TEC: variants seen among roughly 807,000 people sequenced by gnomAD.
TEC encodes tec protein tyrosine kinase, also known as tyrosine-protein kinase Tec.
A neutral mutation model predicts 93.0 loss-of-function variants in TEC; 72 were observed. The observed-to-expected ratio is 0.77, with a 90% confidence interval of 0.64 to 0.94. The LOEUF (loss-of-function observed/expected upper bound fraction) is 0.94, where lower values mean the gene tolerates loss of function less well. Among genes scored for constraint, TEC ranks in the 40% least tolerant of loss-of-function variants. The pLI, the probability that TEC is intolerant of heterozygous loss-of-function variation, is 0.00. For missense variants in TEC, 630 were observed against 757.9 expected (o/e 0.83, Z 1.98); for synonymous variants, 249 against 247.7 (o/e 1.01, Z -0.05).
chr4:48,264,279 A>C (rs1004043929), intron 1 of TEC, among the ~76,000 whole-genome samples: 2 of 152,186 alleles, frequency 1.3e-5, no homozygotes, highest in Non-Finnish European at 2.9e-5. Context: ...TCTTTTTAAA[A>C]AGCTGGATCC....
At chr4:48,143,950 G>A (rs1369547458) in intron 14 of TEC, among the ~76,000 whole-genome samples, 1 of 152,176 alleles carries the variant, frequency 6.6e-6, no homozygotes, top group Non-Finnish European at 1.5e-5. Context: ...CTAAGGCCAG[G>A]TGCAGTGGCT....
At chr4:48,137,689 G>A (rs529594196) in intron 17 of TEC, among the ~76,000 whole-genome samples, 190 bp from the exon 18 acceptor site, 2 of 152,148 alleles carry the variant, frequency 1.3e-5, no homozygotes, top group Non-Finnish European at 2.9e-5. Context: ...CTAGGCTAAC[G>A]TTTCTAAGAC....
intron 1 of TEC, among the ~76,000 whole-genome samples, chr4:48,269,114 G>A (rs187666981): frequency 1.3e-5 from 2 of 152,236 alleles, no homozygotes; most frequent in Admixed American, 6.5e-5. Context: ...CGGGGTATTG[G>A]GGGGGTGGGG....
At chr4:48,251,646 T>C (rs923470567) in intron 1 of TEC, among the ~76,000 whole-genome samples, 11 of 152,140 alleles carry the variant, frequency 7.2e-5, no homozygotes, top group Admixed American at 7.2e-4. Context: ...AATACTCAGA[T>C]TGAATTGGAC....
At chr4:48,144,629 A>T (rs994422322) in intron 14 of TEC, among the ~76,000 whole-genome samples, 3 of 152,234 alleles carry the variant, frequency 2.0e-5, no homozygotes, top group African/African-American at 7.2e-5. Context: ...GAGATTTTTT[A>T]AAAATCCAAA....
intron 9 of TEC, among the ~76,000 whole-genome samples, chr4:48,155,112 CAT>C (rs770692290): frequency 2.6e-5 from 4 of 152,124 alleles, no homozygotes; most frequent in Non-Finnish European, 5.9e-5. Flanking sequence ...AGGACTAAAA[CAT>C]AAAATCATAA....
chr4:48,234,251 T>G (rs1723719545), intron 1 of TEC, among the ~76,000 whole-genome samples: 1 of 152,236 alleles, frequency 6.6e-6, no homozygotes, highest in African/African-American at 2.4e-5. Context: ...GCGCAAGGCT[T>G]TAACAATTTT....
Position 48,167,967 on chromosome 4 carries a change from A to T in TEC, c.496-14T>A, listed in dbSNP as rs28409951. ...GGGAGGCCTTCGCTAGACAAGGAAG[A>T]TAACATTTGAAAGTTTAGTCTTCTA... is the stretch of plus-strand genomic sequence containing the variant. On this transcript the variant is annotated splice_polypyrimidine_tract_variant and intron_variant, in intron 6 of 17. Coordinates refer to ENST00000381501, the MANE Select transcript of TEC (RefSeq NM_003215.3). 398 of 1,612,910 alleles carry T rather than the reference A, an allele frequency of 2.5e-4. 1 individual carries two copies. The African/African-American group carries it at 4.7e-3, about 19-fold the overall frequency.
intron 2 of TEC, among the ~76,000 whole-genome samples, chr4:48,177,294 C>T (rs1033007246): frequency 6.6e-5 from 10 of 152,266 alleles, no homozygotes; most frequent in South Asian, 2.1e-4. Context: ...GAATTCCACA[C>T]AAAAGTTGCA....
intron 1 of TEC, among the ~76,000 whole-genome samples, chr4:48,243,041 T>C (rs770948468): frequency 8.5e-5 from 13 of 152,198 alleles, no homozygotes; most frequent in Non-Finnish European, 4.4e-5. Flanking sequence ...ATTTTACTAC[T>C]GTGTTAAACA....
At chr4:48,146,262 A>G in intron 12 of TEC, 63 bp downstream of exon 12, 1 of 1,501,088 alleles carries the variant, frequency 6.7e-7, no homozygotes, top group Non-Finnish European at 9.2e-7. Context: ...ATCCAAATTT[A>G]TCTTATGACA....
In TEC at chr4:48,193,535, C is replaced by G. The variant is rs139654193; in HGVS notation, c.139-17349G>C. Among the ~76,000 whole-genome samples, 31 of 152,208 alleles carry G rather than the reference C, an allele frequency of 2.0e-4. 1 individual carries two copies. The South Asian group carries it at 6.0e-3, about 30-fold the overall frequency. ...TCCCATTACAATCTTCAGAGATAAA[C>G]GTAACTACTGTCAAGGGAGAGATGG... On this transcript the variant is annotated intron_variant, in intron 2 of 17. Coordinates refer to ENST00000381501, the MANE Select transcript of TEC (RefSeq NM_003215.3).
chr4:48,196,674 A>G (rs562232456), intron 2 of TEC, among the ~76,000 whole-genome samples: 1 of 151,938 alleles, frequency 6.6e-6, no homozygotes, highest in African/African-American at 2.4e-5. Context: ...GAATTTGACT[A>G]TGTCTTATAA....
At chr4:48,203,941 T>C (rs1351178488) in intron 2 of TEC, among the ~76,000 whole-genome samples, 1 of 152,182 alleles carries the variant, frequency 6.6e-6, no homozygotes, top group East Asian at 1.9e-4. Context: ...GAGCCATTAT[T>C]AGAAACCACC....
At chr4:48,246,280 C>T (rs1190352419) in intron 1 of TEC, among the ~76,000 whole-genome samples, 1 of 151,882 alleles carries the variant, frequency 6.6e-6, no homozygotes, top group Non-Finnish European at 1.5e-5. Flanking sequence ...TTTAAAAAGA[C>T]TTAAATAAAT....
rs760332965 is a variant in TEC, at chr4:48,171,391, A to C, written c.302T>G (p.Leu101Arg). ...ACCTTCTTTTAACTTCTTCACCCAC[A>C]GGTCCCTGCTTTGTGGACTAGGTGC... is the stretch of plus-strand genomic sequence containing the variant. ...IFAPSPQSRDLWVKKLKEEIK... is the reference protein window; with the variant it reads ...IFAPSPQSRDRWVKKLKEEIK... The change falls in exon 4 of 18, where the codon CTG becomes CGG. Residue 101 changes from leucine to arginine, a missense_variant. Transcript: ENST00000381501. 30 of 1,613,460 alleles carry C rather than the reference A, an allele frequency of 1.9e-5. No homozygotes were observed. The highest frequency in any genetic ancestry group is 2.5e-5 in the Non-Finnish European group (30 of 1,179,860).
At chr4:48,173,950 C>G (rs950102023) in intron 3 of TEC, among the ~76,000 whole-genome samples, 1 of 152,176 alleles carries the variant, frequency 6.6e-6, no homozygotes, top group African/African-American at 2.4e-5. Context: ...AAAATGTCTA[C>G]TTCTACTTTT....
intron 2 of TEC, among the ~76,000 whole-genome samples, chr4:48,180,204 C>T (rs1721527974): frequency 6.6e-6 from 1 of 152,056 alleles, no homozygotes; most frequent in African/African-American, 2.4e-5. Context: ...ACTTTTGCAC[C>T]AACCTAACAA....
At chr4:48,184,187 G>C (rs1295388060) in intron 2 of TEC, among the ~76,000 whole-genome samples, 2 of 152,204 alleles carry the variant, frequency 1.3e-5, no homozygotes, top group African/African-American at 4.8e-5. Context: ...CCATTTTGCA[G>C]ATGGAGAAAT....
Sources: gnomAD v4.1 joint callset for allele counts (sites outside exome capture counted in the v4.1 genomes callset) on GRCh38, gnomAD v4.1.1 for gene constraint, MANE v1.5 for transcripts, NCBI Gene and HGNC (gene_info 2026-07-23, HGNC 2026-07-21) for gene names.